CEP95: variants seen among roughly 807,000 people sequenced by gnomAD.
The protein encoded by CEP95 is centrosomal protein of 95 kDa.
CEP95 carries 98 observed loss-of-function variants against 111.2 expected under a neutral mutation model. The ratio of observed to expected loss-of-function variants is 0.88; its 90% CI spans 0.75 to 1.04. The LOEUF (loss-of-function observed/expected upper bound fraction) is 1.04. Ranked by LOEUF, CEP95 falls within the 50% of genes least tolerant of loss-of-function variation. The pLI, the probability that CEP95 is intolerant of heterozygous loss-of-function variation, is 0.00. For missense variants in CEP95, 1,027 were observed against 977.2 expected (o/e 1.05, Z -0.68); for synonymous variants, 323 against 327.1 (o/e 0.99, Z 0.14).
intron 8 of CEP95, among the ~76,000 whole-genome samples, chr17:64,525,487 A>G (rs1967739286): frequency 6.6e-6 from 1 of 152,210 alleles, no homozygotes; most frequent in African/African-American, 2.4e-5. Context: ...TTGCTCAGGT[A>G]TAGTGGTAAT....
At chr17:64,514,103 A>G in intron 3 of CEP95, 145 bp from the exon 4 acceptor site, 1 of 436,128 alleles carries the variant, frequency 2.3e-6, no homozygotes, top group Non-Finnish European at 4.1e-6. Context: ...TCTTTTTTTT[A>G]TTTAATCTCC....
At chr17:64,507,353 G>T in intron 1 of CEP95, 1 of 1,422,692 alleles carries the variant, frequency 7.0e-7, no homozygotes, top group Non-Finnish European at 9.2e-7. Flanking sequence ...AGGCCGGTAG[G>T]ACACTTGGGT....
chr17:64,530,487 A>G (rs1968186905), intron 12 of CEP95, among the ~76,000 whole-genome samples: 1 of 146,584 alleles, frequency 6.8e-6, no homozygotes, highest in South Asian at 2.2e-4. Context: ...ATCCTAGGTG[A>G]ATTTTTTTCC....
At chr17:64,510,816 G>C (rs1425865478) in intron 3 of CEP95, among the ~76,000 whole-genome samples, 1 of 152,186 alleles carries the variant, frequency 6.6e-6, no homozygotes, top group Non-Finnish European at 1.5e-5. Flanking sequence ...TCGTGAAATT[G>C]CTGGGATTAC....
chr17:64,520,490 T>TAGA (rs1967234269), intron 6 of CEP95: 1 of 150,062 alleles, frequency 6.7e-6, no homozygotes, highest in Non-Finnish European at 1.5e-5. Flanking sequence ...CACTAGGTCT[T>TAGA]GCTCTGTCAC....
Position 64,527,904 on chromosome 17 carries a change from A to G in CEP95, c.1306+640A>G, listed in dbSNP as rs112450780. On this transcript the variant is annotated intron_variant, in intron 11 of 19. Coordinates refer to ENST00000556440, the MANE Select transcript of CEP95 (RefSeq NM_138363.3). ...TATATATATATATACACACACACAC[A>G]CACGCGTGTAGCACTATCTATTTCC... is the stretch of plus-strand genomic sequence containing the variant. 3.4e-3 allele frequency among the ~76,000 whole-genome samples: 509 copies of G among 150,010 alleles called. 2 individuals carry two copies. The highest frequency in any genetic ancestry group is 0.012 in the African/African-American group (479 of 40,712).
intron 11 of CEP95, among the ~76,000 whole-genome samples, chr17:64,528,960 T>TG (rs1434784732): frequency 6.6e-6 from 1 of 152,228 alleles, no homozygotes. Context: ...GGATAGCAGA[T>TG]GCGTGGCTCA....
intron 5 of CEP95, among the ~76,000 whole-genome samples, chr17:64,517,488 T>A (rs1430456933): frequency 6.6e-6 from 1 of 152,124 alleles, no homozygotes; most frequent in South Asian, 2.1e-4. Flanking sequence ...TTTTACTATT[T>A]TTTTCTTTTT....
chr17:64,512,676 G>C (rs990270016), intron 3 of CEP95, among the ~76,000 whole-genome samples: 17 of 152,118 alleles, frequency 1.1e-4, no homozygotes, highest in African/African-American at 3.4e-4. Context: ...CTCTTAATTT[G>C]ATACTGACAA....
rs782445438 is a variant in CEP95 at position 64,537,100 on chromosome 17, A to C, written c.2277A>C (p.Lys759Asn). 13 of 1,612,008 alleles carry C rather than the reference A, an allele frequency of 8.1e-6. No homozygotes were observed. The highest frequency in any genetic ancestry group is 5.0e-5 in the Admixed American group (3 of 59,906). Residue 759 changes from lysine (K) to asparagine (N), a missense_variant, in exon 19 of 20, where the codon AAA becomes AAC. By Grantham distance (94) the Lys-to-Asn change is moderately conservative. Transcript: ENST00000556440. Reference protein sequence around the residue: ...QEHQELKAREKSQAQTLHKVK... With the variant: ...QEHQELKARENSQAQTLHKVK... ...ATCAAGAACTTAAAGCCAGAGAGAA[A>C]TCTCAGGCCCAGGTAATAATTAAGA...
At chr17:64,535,816 T>TC (rs1968614281) in intron 17 of CEP95, 1 of 152,194 alleles carries the variant, frequency 6.6e-6, no homozygotes, top group South Asian at 2.1e-4. Context: ...ACCCAAAGTG[T>TC]CCATCAGTTA....
chr17:64,511,304 A>G (rs1292484042), intron 3 of CEP95, among the ~76,000 whole-genome samples: 1 of 152,182 alleles, frequency 6.6e-6, no homozygotes, highest in East Asian at 1.9e-4. Context: ...CCTGGGAGCG[A>G]TATGGGAGAC....
At chr17:64,529,505 C>T in intron 12 of CEP95, 78 bp downstream of exon 12, 1 of 1,446,406 alleles carries the variant, frequency 6.9e-7, no homozygotes. Context: ...CATGAACATG[C>T]TGTTGATTTA....
intron 5 of CEP95, 100 bp from the exon 6 acceptor site, chr17:64,519,219 GGA>G (rs1430846353): frequency 1.4e-6 from 1 of 706,290 alleles, no homozygotes; most frequent in Non-Finnish European, 2.5e-6. Context: ...GCAGCAAAAG[GGA>G]GAGTCTTTTC....
upstream of CEP95, chr17:64,506,811 G>T (rs1340009647): frequency 1.7e-6 from 1 of 573,812 alleles, no homozygotes; most frequent in African/African-American, 1.9e-5. Flanking sequence ...GATGTGGACC[G>T]TCCGACCCGC....
At position 64,507,044 on chromosome 17, in the gene CEP95, A is replaced by C. The variant is rs1443273006; in HGVS notation, c.-54A>C. ...GTCTGCGTGGATCGGTCCTTCCAGG[A>C]CACCGTCGCCTTCCCGGCCGCGTCG... is the stretch of plus-strand genomic sequence containing the variant. On this transcript the variant is annotated 5_prime_UTR_variant, in exon 1 of 20. Coordinates refer to ENST00000556440, the MANE Select transcript of CEP95 (RefSeq NM_138363.3). The C allele has an allele frequency of 1.3e-6, 2 of 1,549,450 alleles. No individual in the cohort carries two copies. The highest frequency in any genetic ancestry group is 1.4e-5 in the African/African-American group (1 of 72,994).
intron 17 of CEP95, 95 bp from the exon 18 acceptor site, chr17:64,536,507 A>G: frequency 3.3e-6 from 3 of 904,848 alleles, no homozygotes; most frequent in Non-Finnish European, 4.9e-6. Flanking sequence ...TAGTATTTAA[A>G]AAAAAAAAAC....
chr17:64,537,215 G>C, intron 19 of CEP95, 103 bp downstream of exon 19: 2 of 1,522,446 alleles, frequency 1.3e-6, no homozygotes, highest in East Asian at 4.9e-5. Context: ...GTATCATATA[G>C]CCCCGGTGTG....
At chr17:64,521,812 C>T (rs887348560) in intron 7 of CEP95, among the ~76,000 whole-genome samples, 4 of 151,530 alleles carry the variant, frequency 2.6e-5, no homozygotes, top group African/African-American at 9.7e-5. Context: ...TATTGGTGGT[C>T]TTCATATTAT....
Sources: gnomAD v4.1 joint callset for allele counts (sites outside exome capture counted in the v4.1 genomes callset) on GRCh38, gnomAD v4.1.1 for gene constraint, MANE v1.5 for transcripts, NCBI Gene and HGNC (gene_info 2026-07-23, HGNC 2026-07-21) for gene names.